Variants in MYO5A observed in about 807,000 individuals in gnomAD.
MYO5A encodes the protein unconventional myosin-Va.
Under a neutral mutation model 249.7 loss-of-function variants are expected in MYO5A, and 98 were observed. The ratio of observed to expected loss-of-function variants is 0.39; its 90% CI spans 0.33 to 0.46. The LOEUF is 0.46. Among genes scored for constraint, MYO5A ranks in the 20% least tolerant of loss-of-function variants. MYO5A has a pLI of 0.98. For missense variants in MYO5A, 1,696 were observed against 2,308.8 expected, an observed-to-expected ratio of 0.73 and a Z score of 5.44; for synonymous variants, 778 against 810.6, an observed-to-expected ratio of 0.96 and a Z score of 0.68.
intron 1 of MYO5A, among the ~76,000 whole-genome samples, chr15:52,507,265 A>G (rs1370486485): frequency 6.6e-6 from 1 of 152,238 alleles, no homozygotes; most frequent in East Asian, 1.9e-4. Context: ...GTTAATTACA[A>G]CTGGGTGCAG....
At chr15:52,474,308 T>C (rs1487171738) in intron 1 of MYO5A, among the ~76,000 whole-genome samples, 1 of 152,246 alleles carries the variant, frequency 6.6e-6, no homozygotes, top group Non-Finnish European at 1.5e-5. Flanking sequence ...TGGGGTTTTC[T>C]AAATATACAA....
At chr15:52,324,228 GA>G (rs1220676732) in intron 36 of MYO5A, among the ~76,000 whole-genome samples, 1 of 152,096 alleles carries the variant, frequency 6.6e-6, no homozygotes, top group Non-Finnish European at 1.5e-5. Context: ...TGTGAATCCA[GA>G]AATGAGAAGA....
chr15:52,480,873 C>A lies in MYO5A; in HGVS notation c.28-47588G>T, dbSNP rs935050009. Among the ~76,000 whole-genome samples the A allele has an allele frequency of 2.0e-5, 3 of 152,154 alleles. No individual in the cohort carries two copies. In the South Asian group the frequency reaches 6.2e-4, roughly 32 times the overall value. On this transcript the variant is annotated intron_variant, in intron 1 of 41. Coordinates refer to ENST00000399233, the MANE Select transcript of MYO5A (RefSeq NM_001382347.1). Reference sequence around the variant, plus strand: ...TTACATATAGCTAAATCCATTTACCCAAATGCAGTCATTCATTTAACAAGT... The same window carrying A: ...TTACATATAGCTAAATCCATTTACCAAAATGCAGTCATTCATTTAACAAGT...
chr15:52,342,169 A>G (rs2140993552), intron 31 of MYO5A, among the ~76,000 whole-genome samples: 1 of 152,276 alleles, frequency 6.6e-6, no homozygotes, highest in African/African-American at 2.4e-5. Flanking sequence ...CAGCCTGGGC[A>G]ACCAAGTGAA....
intron 9 of MYO5A, among the ~76,000 whole-genome samples, chr15:52,405,049 TGTCACACACACA>T (rs1457498306): frequency 1.2e-4 from 12 of 100,792 alleles, no homozygotes; most frequent in Admixed American, 2.2e-4. Flanking sequence ...TCTCTCTCTC[TGTCACACACACA>T]CACACACACA....
At chr15:52,450,850 T>G (rs12594940) in intron 1 of MYO5A, among the ~76,000 whole-genome samples, 21 of 74,140 alleles carry the variant, frequency 2.8e-4, no homozygotes, top group South Asian at 1.6e-3. Flanking sequence ...GTGGTTTTTT[T>G]TTTTTTTTTT....
chr15:52,426,028 G>C, intron 3 of MYO5A, 54 bp from the exon 4 acceptor site: 1 of 1,500,292 alleles, frequency 6.7e-7, no homozygotes, highest in Non-Finnish European at 9.2e-7. Flanking sequence ...TACCCTAATG[G>C]GCATATCAAA....
intron 40 of MYO5A, 73 bp from the exon 41 acceptor site, chr15:52,314,276 T>C (rs1046223786): frequency 8.9e-7 from 1 of 1,127,708 alleles, no homozygotes; most frequent in East Asian, 2.4e-5. Context: ...ATCTGGAAAA[T>C]TAAAAGGATC....
At chr15:52,427,445 A>G (rs1472273041) in intron 3 of MYO5A, among the ~76,000 whole-genome samples, 2 of 152,176 alleles carry the variant, frequency 1.3e-5, no homozygotes, top group African/African-American at 4.8e-5. Context: ...GAAGAAACAC[A>G]GTAAGGAGGG....
At chr15:52,461,247 C>G (rs1007113044) in intron 1 of MYO5A, among the ~76,000 whole-genome samples, 2 of 152,104 alleles carry the variant, frequency 1.3e-5, no homozygotes, top group African/African-American at 4.8e-5. Context: ...GCCACTGTGT[C>G]GGGCCAATAG....
At chr15:52,357,610 T>C (rs1324963776) in intron 25 of MYO5A, among the ~76,000 whole-genome samples, 1 of 152,090 alleles carries the variant, frequency 6.6e-6, no homozygotes, top group African/African-American at 2.4e-5. Context: ...ATTTGAAAAA[T>C]GCAAAATGAC....
rs374831419 is a variant in MYO5A at position 52,379,902 on chromosome 15, A to G, written c.2019T>C (p.Asp673=). 6.2e-7 allele frequency: 1 copy of G among 1,613,866 alleles called. No homozygotes were observed. The highest frequency in any genetic ancestry group is 8.5e-7 in the Non-Finnish European group (1 of 1,179,912). ...PNDFKFPFTF[D]EKRAVQQLRA... ...TCAGCTGCTGCACTGCCCTCTTCTC[A>G]TCAAACCTACAAATAAAAATCAAAG... The change falls in exon 17 of 42, where the codon GAT becomes GAC. Residue 673 remains aspartate (D), a synonymous_variant. Coordinates refer to ENST00000399233, the MANE Select transcript of MYO5A (RefSeq NM_001382347.1).
chr15:52,339,376 A>C (rs1413601920), intron 32 of MYO5A, among the ~76,000 whole-genome samples: 3 of 152,202 alleles, frequency 2.0e-5, no homozygotes, highest in African/African-American at 7.2e-5. Context: ...TCGGGCTAGC[A>C]CTACAATATA....
At chr15:52,453,979 C>T (rs1263678439) in intron 1 of MYO5A, among the ~76,000 whole-genome samples, 2 of 151,922 alleles carry the variant, frequency 1.3e-5, no homozygotes, top group African/African-American at 2.4e-5. Context: ...AACTAGAAAA[C>T]AAGCAACAAA....
At chr15:52,454,601 G>T (rs1025059862) in intron 1 of MYO5A, among the ~76,000 whole-genome samples, 17 of 151,964 alleles carry the variant, frequency 1.1e-4, no homozygotes, top group Non-Finnish European at 2.9e-5. Flanking sequence ...AACATAACTT[G>T]GGCCACAAAA....
chr15:52,330,118 G>C (rs1402152688), intron 35 of MYO5A, among the ~76,000 whole-genome samples: 1 of 151,952 alleles, frequency 6.6e-6, no homozygotes, highest in African/African-American at 2.4e-5. Flanking sequence ...TGTGCAGCCA[G>C]GGCTGAGAAG....
Position 52,486,642 on chromosome 15 carries a change from C to A in MYO5A, c.27+42138G>T, listed in dbSNP as rs149423501. On this transcript the variant is annotated intron_variant, in intron 1 of 41. Transcript: ENST00000399233. Reference sequence around the variant, plus strand: ...ATATTGTTGTCACTAAGGTAAAAGTCTTTAAAAAGAGGAGAAATAAAGGAA... The same window carrying A: ...ATATTGTTGTCACTAAGGTAAAAGTATTTAAAAAGAGGAGAAATAAAGGAA... 5.5e-3 allele frequency among the ~76,000 whole-genome samples: 831 copies of A among 152,108 alleles called. 8 individuals are homozygous for A. Among genetic ancestry groups the A allele is most frequent in the African/African-American group, 0.019 (798 of 41,490 alleles).
chr15:52,405,270 G>A lies in MYO5A; in HGVS notation c.1053+17C>T. ...ATAATTCAACTGCCATCCCACTAAA[G>A]CTTATTCTGAACTTACAGGTATTGT... On this transcript the variant is annotated intron_variant, in intron 9 of 41. Transcript: ENST00000399233. The A allele has an allele frequency of 1.9e-6, 3 of 1,565,326 alleles. No homozygotes were observed. The highest frequency in any genetic ancestry group is 1.7e-5 in the Admixed American group (1 of 59,902).
intron 1 of MYO5A, among the ~76,000 whole-genome samples, chr15:52,452,128 T>C (rs2076032334): frequency 6.7e-6 from 1 of 150,364 alleles, no homozygotes. Flanking sequence ...CACCACCCCC[T>C]CCCCCCACTG....
Sources: gnomAD v4.1 joint callset for allele counts (sites outside exome capture counted in the v4.1 genomes callset) on GRCh38, gnomAD v4.1.1 for gene constraint, MANE v1.5 for transcripts, NCBI Gene and HGNC (gene_info 2026-07-23, HGNC 2026-07-21) for gene names.